CNTNAP2: variants seen among roughly 807,000 people sequenced by gnomAD.
CNTNAP2 encodes the protein contactin-associated protein-like 2.
CNTNAP2 carries 98 observed loss-of-function variants against 155.2 expected under a neutral mutation model. That is an observed-to-expected ratio of 0.63 (90% CI 0.54 to 0.75). The LOEUF (loss-of-function observed/expected upper bound fraction) is 0.75. Ranked by LOEUF, CNTNAP2 falls within the 30% of genes least tolerant of loss-of-function variation. The pLI is 0.00. For missense variants in CNTNAP2, 1,727 were observed against 1,688.1 expected (o/e 1.02, Z -0.40); for synonymous variants, 651 against 631.2 (o/e 1.03, Z -0.47).
intron 23 of CNTNAP2, among the ~76,000 whole-genome samples, chr7:148,411,767 T>G (rs1346126595): frequency 2.1e-5 from 3 of 143,998 alleles, no homozygotes; most frequent in Admixed American, 2.1e-4. Context: ...TATCTAGTCA[T>G]TCCAAGACCA....
intron 11 of CNTNAP2, among the ~76,000 whole-genome samples, chr7:147,502,072 G>A (rs1171744926): frequency 1.3e-5 from 2 of 152,046 alleles, no homozygotes; most frequent in African/African-American, 2.4e-5. Context: ...AAGTGAAGAC[G>A]ACACAAATAG....
chr7:147,899,744 G>C (rs948708724), intron 13 of CNTNAP2, among the ~76,000 whole-genome samples: 7 of 152,030 alleles, frequency 4.6e-5, no homozygotes, highest in African/African-American at 1.7e-4. Context: ...AATTAGCTGG[G>C]TGTGGTGGTG....
At chr7:147,160,501 C>A (rs1287905935) in intron 8 of CNTNAP2, among the ~76,000 whole-genome samples, 1 of 152,068 alleles carries the variant, frequency 6.6e-6, no homozygotes, top group East Asian at 1.9e-4. Flanking sequence ...ATTTTAATTA[C>A]AACCCCCTCC....
chr7:146,921,869 T>C (rs987477382), intron 3 of CNTNAP2, among the ~76,000 whole-genome samples: 2 of 152,158 alleles, frequency 1.3e-5, no homozygotes, highest in Non-Finnish European at 2.9e-5. Context: ...TAAGCTTCTG[T>C]GAATTTTCTG....
At chr7:146,432,550 C>G (rs1313056295) in intron 1 of CNTNAP2, among the ~76,000 whole-genome samples, 1 of 151,948 alleles carries the variant, frequency 6.6e-6, no homozygotes, top group Non-Finnish European at 1.5e-5. Flanking sequence ...TAATCTTTTT[C>G]AAGTGATTTT....
At chr7:148,196,400 G>C (rs1249077701) in intron 18 of CNTNAP2, among the ~76,000 whole-genome samples, 1 of 152,114 alleles carries the variant, frequency 6.6e-6, no homozygotes, top group Non-Finnish European at 1.5e-5. Context: ...GAGGAACTGG[G>C]GGGATCTGGG....
chr7:147,270,144 G>A (rs917021647), intron 8 of CNTNAP2, among the ~76,000 whole-genome samples: 12 of 152,078 alleles, frequency 7.9e-5, no homozygotes, highest in Non-Finnish European at 1.6e-4. Flanking sequence ...TTTAGAATTC[G>A]CAATAGTTTC....
At chr7:147,334,032 C>T (rs1424118297) in intron 9 of CNTNAP2, among the ~76,000 whole-genome samples, 3 of 152,144 alleles carry the variant, frequency 2.0e-5, no homozygotes, top group South Asian at 2.1e-4. Context: ...GGCTCATGTG[C>T]TTGAATTCCT....
chr7:148,059,795 T>C (rs910761405), intron 15 of CNTNAP2, among the ~76,000 whole-genome samples: 3 of 148,648 alleles, frequency 2.0e-5, no homozygotes, highest in African/African-American at 7.3e-5. Flanking sequence ...AGGAGGGGAA[T>C]ACATATAACT....
intron 2 of CNTNAP2, among the ~76,000 whole-genome samples, chr7:146,803,520 C>A (rs951302977): frequency 6.6e-6 from 1 of 152,072 alleles, no homozygotes; most frequent in African/African-American, 2.4e-5. Flanking sequence ...TCTTTGAATC[C>A]ATGACACATT....
intron 11 of CNTNAP2, among the ~76,000 whole-genome samples, chr7:147,531,644 A>G (rs1196073149): frequency 6.6e-6 from 1 of 152,122 alleles, no homozygotes. Context: ...CTTTTTCCTC[A>G]TGGGCCTCCA....
intron 14 of CNTNAP2, among the ~76,000 whole-genome samples, chr7:147,971,142 G>C (rs1801327681): frequency 6.6e-6 from 1 of 152,140 alleles, no homozygotes; most frequent in African/African-American, 2.4e-5. Flanking sequence ...TAGTCACAAA[G>C]TAGAAGACAC....
intron 16 of CNTNAP2, among the ~76,000 whole-genome samples, chr7:148,142,617 A>G (rs1260801906): frequency 1.3e-5 from 2 of 152,184 alleles, no homozygotes; most frequent in Non-Finnish European, 2.9e-5. Context: ...CATCATGCTC[A>G]TGCTATATAA....
intron 2 of CNTNAP2, among the ~76,000 whole-genome samples, chr7:146,795,481 G>T (rs1408476801): frequency 6.6e-6 from 1 of 152,232 alleles, no homozygotes; most frequent in African/African-American, 2.4e-5. Context: ...GGAGTGGAAA[G>T]TGGGATGGAG....
chr7:146,761,466 T>C (rs1802098760), intron 1 of CNTNAP2, among the ~76,000 whole-genome samples: 1 of 152,180 alleles, frequency 6.6e-6, no homozygotes, highest in Admixed American at 6.5e-5. Flanking sequence ...AGAGAAAATG[T>C]GAAGAAGAGC....
chr7:148,147,409 CTTTG>C, intron 16 of CNTNAP2, 78 bp from the exon 17 acceptor site: 1 of 1,364,386 alleles, frequency 7.3e-7, no homozygotes, highest in East Asian at 2.3e-5. Context: ...CCTCTCCCTG[CTTTG>C]TTTGTCGTCT....
intron 15 of CNTNAP2, among the ~76,000 whole-genome samples, chr7:147,985,115 A>AAATAAAT (rs1801594253): frequency 6.9e-5 from 10 of 145,472 alleles, no homozygotes; most frequent in Non-Finnish European, 1.5e-4. Context: ...ACTCTGTCAA[A>AAATAAAT]AAATAAATAA....
At chr7:148,233,866 C>G (rs990525648) in intron 20 of CNTNAP2, among the ~76,000 whole-genome samples, 1 of 152,142 alleles carries the variant, frequency 6.6e-6, no homozygotes, top group East Asian at 1.9e-4. Flanking sequence ...GGATTTCCCC[C>G]TAGATGTTCT....
At chr7:147,274,457 C>T (rs116189165) in intron 8 of CNTNAP2, among the ~76,000 whole-genome samples, 1,588 of 152,104 alleles carry the variant, frequency 0.01, 29 homozygotes, top group African/African-American at 0.036. Context: ...TTATTGGCCA[C>T]TTGTATGACT....
Sources: gnomAD v4.1 joint callset for allele counts (sites outside exome capture counted in the v4.1 genomes callset) on GRCh38, gnomAD v4.1.1 for gene constraint, MANE v1.5 for transcripts, NCBI Gene and HGNC (gene_info 2026-07-23, HGNC 2026-07-21) for gene names.